FOXK1: variants seen among roughly 807,000 people sequenced by gnomAD.
The protein encoded by FOXK1 is forkhead box K1, also known as forkhead box protein K1.
FOXK1 carries 19 observed loss-of-function variants against 51.9 expected under a neutral mutation model. The observed-to-expected ratio is 0.37, with a 90% CI of 0.26 to 0.54. FOXK1 has a LOEUF of 0.54. Ranked by LOEUF, FOXK1 falls within the 20% of genes least tolerant of loss-of-function variation. The pLI is 0.87. For missense variants in FOXK1, 870 were observed against 1,032.7 expected (o/e 0.84, Z 2.16); for synonymous variants, 537 against 482.6 (o/e 1.11, Z -1.48).
intron 1 of FOXK1, among the ~76,000 whole-genome samples, chr7:4,727,678 T>G (rs1780398082): frequency 6.6e-6 from 1 of 152,236 alleles, no homozygotes; most frequent in Admixed American, 6.5e-5. Flanking sequence ...GAGGGCGGCC[T>G]GCTGTCCGTC....
At chr7:4,697,793 C>T in intron 1 of FOXK1, among the ~76,000 whole-genome samples, 4 of 124,408 alleles carry the variant, frequency 3.2e-5, no homozygotes, top group Non-Finnish European at 3.4e-5. Flanking sequence ...GTGTGTGTTT[C>T]TTTGGTATGA....
rs1780225637 is a variant in FOXK1 at position 4,715,765 on chromosome 7, C to T, written c.561-25073C>T. 6.6e-6 allele frequency among the ~76,000 whole-genome samples: 1 copy of T among 152,194 alleles called. No individual in the cohort carries two copies. Among genetic ancestry groups the T allele is most frequent in the Non-Finnish European group, 1.5e-5 (1 of 68,046 alleles). ...CTCCGGGCACCCTGAGGTTCCCTCA[C>T]AGCGAATCCACCGAAGAGCGCTCCC... On this transcript the variant is annotated intron_variant, in intron 1 of 8. Transcript: ENST00000328914. The surrounding 1 kb of genome is among the most constrained non-coding windows in gnomAD (Gnocchi z 4.5).
At position 4,682,540 on chromosome 7, in the gene FOXK1, T is replaced by A. The variant is rs914431746; in HGVS notation, c.232T>A (p.Ser78Thr). ...CTCCTCCGGGGGCTCCTCCGGGGTA[T>A]CCGGGGACTCCGCGGTCGCGGGCGC... ...AGSSGGSSGVSGDSAVAGAAP... is the reference protein window; with the variant it reads ...AGSSGGSSGVTGDSAVAGAAP... Residue 78 changes from serine (S) to threonine (T), a missense_variant, in exon 1 of 9, where the codon TCC becomes ACC. Coordinates refer to ENST00000328914, the MANE Select transcript of FOXK1 (RefSeq NM_001037165.2). The surrounding 1 kb of genome is among the most constrained non-coding windows in gnomAD (Gnocchi z 7.6). 4.4e-6 allele frequency: 5 copies of A among 1,140,564 alleles called. No individual in the cohort carries two copies. The highest frequency in any genetic ancestry group is 1.6e-5 in the African/African-American group (1 of 60,616). 70.7% of individuals were successfully genotyped at this position (1,140,564 alleles called of 1,614,324 possible). A position where few individuals can be genotyped will look rare whatever the true frequency, so the allele number is the denominator to read the frequency against.
rs759555489 is a variant in FOXK1, at chr7:4,748,376, G to C, written c.747-6083G>C. On this transcript the variant is annotated intron_variant, in intron 2 of 8. Transcript: ENST00000328914. The surrounding 1 kb of genome is among the most constrained non-coding windows in gnomAD (Gnocchi z 4.9). ...CAGTAAAGTTACATCATCATGTCTG[G>C]TTTACCTTGCATGAGCGTTTTCTGT... 9.9e-5 allele frequency among the ~76,000 whole-genome samples: 15 copies of C among 152,146 alleles called. No individual in the cohort carries two copies. Among genetic ancestry groups the C allele is most frequent in the Non-Finnish European group, 2.1e-4 (14 of 68,038 alleles).
rs1305833712 is a variant in FOXK1, at chr7:4,755,133, G to A, written c.904-104G>A. Reference sequence around the variant, plus strand: ...ACTGGGACGGGTGCCGGCAAGACGCGCACATTCTCGTGGGAAGGTTCCTCC... The same window carrying A: ...ACTGGGACGGGTGCCGGCAAGACGCACACATTCTCGTGGGAAGGTTCCTCC... On this transcript the variant is annotated intron_variant, in intron 3 of 8. Coordinates refer to ENST00000328914, the MANE Select transcript of FOXK1 (RefSeq NM_001037165.2). The surrounding 1 kb of genome is among the most constrained non-coding windows in gnomAD (Gnocchi z 6.6). 116 of 1,442,652 alleles carry A rather than the reference G, an allele frequency of 8.0e-5. 3 individuals carry two copies. The South Asian group carries it at 1.4e-3, about 17-fold the overall frequency. The allele number at this position is 1,442,652 out of a possible 1,614,324, so 89.4% of individuals were successfully genotyped here. A position where few individuals can be genotyped will look rare whatever the true frequency, so the allele number is the denominator to read the frequency against.
intron 1 of FOXK1, among the ~76,000 whole-genome samples, chr7:4,736,818 A>G (rs765783498): frequency 6.6e-6 from 1 of 152,190 alleles, no homozygotes; most frequent in African/African-American, 2.4e-5. Flanking sequence ...GGTTAGGGTG[A>G]GTGGTTCTAA....
rs1309510429 is a variant in FOXK1 at position 4,683,097 on chromosome 7, A to G, written c.560+229A>G. 7.1e-6 allele frequency among the ~76,000 whole-genome samples: 1 copy of G among 140,788 alleles called. No homozygotes were observed. Among genetic ancestry groups the G allele is most frequent in the African/African-American group, 2.7e-5 (1 of 36,914 alleles). 92.4% of individuals were successfully genotyped at this position (140,788 alleles called of 152,430 possible). On this transcript the variant is annotated intron_variant, in intron 1 of 8. Transcript: ENST00000328914. This position sits in a 1 kb window ranked among gnomAD's most constrained non-coding sequence, Gnocchi z 4.5. Reference sequence around the variant, plus strand: ...CGATCCTGGAGGCTCCAGCCTGAGGATCTCCTCCACTTTCCCCGGTCTGGA... The same window carrying G: ...CGATCCTGGAGGCTCCAGCCTGAGGGTCTCCTCCACTTTCCCCGGTCTGGA...
At chr7:4,687,500 C>G (rs189892793) in intron 1 of FOXK1, among the ~76,000 whole-genome samples, 2 of 152,014 alleles carry the variant, frequency 1.3e-5, no homozygotes, top group African/African-American at 4.8e-5. Context: ...ACCACGTTGG[C>G]CAGGCTGGTC....
Position 4,755,100 on chromosome 7 carries a change from T to G in FOXK1, c.904-137T>G. ...AATGCAAGCACATTAATGGGATAGT[T>G]GGAGGGCACTGGGACGGGTGCCGGC... On this transcript the variant is annotated intron_variant, in intron 3 of 8. Transcript: ENST00000328914. This position sits in a 1 kb window ranked among gnomAD's most constrained non-coding sequence, Gnocchi z 6.6. 9.4e-7 allele frequency: 1 copy of G among 1,063,728 alleles called. No homozygotes were observed. The highest frequency in any genetic ancestry group is 1.3e-6 in the Non-Finnish European group (1 of 752,358). The allele number at this position is 1,063,728 out of a possible 1,614,324, so 65.9% of individuals were successfully genotyped here.
Position 4,745,578 on chromosome 7 carries a change from G to T in FOXK1, c.746+4555G>T, listed in dbSNP as rs1426005307. 6.6e-6 allele frequency among the ~76,000 whole-genome samples: 1 copy of T among 152,184 alleles called. No homozygotes were observed. The highest frequency in any genetic ancestry group is 2.4e-5 in the African/African-American group (1 of 41,454). On this transcript the variant is annotated intron_variant, in intron 2 of 8. Coordinates refer to ENST00000328914, the MANE Select transcript of FOXK1 (RefSeq NM_001037165.2). This position sits in a 1 kb window ranked among gnomAD's most constrained non-coding sequence, Gnocchi z 4.3. ...ATAAATTCTGCTATCTTTAGCAGAAGTTTGACCTTTTCTTTCCTTTTTGCA... is the reference window on the plus strand; with the variant it reads ...ATAAATTCTGCTATCTTTAGCAGAATTTTGACCTTTTCTTTCCTTTTTGCA...
Position 4,756,846 on chromosome 7 carries a change from C to G in FOXK1, c.1051-148C>G, listed in dbSNP as rs929019582. ...CTGCCCTGTGCCTCGGTGCTGCTCC[C>G]GTGAGGCCCAGCCAGCACAGCACCA... On this transcript the variant is annotated intron_variant, in intron 4 of 8. Coordinates refer to ENST00000328914, the MANE Select transcript of FOXK1 (RefSeq NM_001037165.2). This position sits in a 1 kb window ranked among gnomAD's most constrained non-coding sequence, Gnocchi z 4.1. The G allele has an allele frequency of 1.3e-6, 1 of 753,660 alleles. No individual in the cohort carries two copies. Among genetic ancestry groups the G allele is most frequent in the South Asian group, 1.8e-5 (1 of 54,938 alleles). 46.7% of individuals were successfully genotyped at this position (753,660 alleles called of 1,614,324 possible). A position where few individuals can be genotyped will look rare whatever the true frequency, so the allele number is the denominator to read the frequency against.
Position 4,734,982 on chromosome 7 carries a change from G to C in FOXK1, c.561-5856G>C, listed in dbSNP as rs989583140. Among the ~76,000 whole-genome samples the C allele has an allele frequency of 1.3e-5, 2 of 152,184 alleles. No individual in the cohort carries two copies. Among genetic ancestry groups the C allele is most frequent in the Admixed American group, 1.3e-4 (2 of 15,278 alleles). Reference sequence around the variant, plus strand: ...CTGATTATTTCTCTGAGTCTGAAATGATGACAATTGTATTTATATTTATGT... The same window carrying C: ...CTGATTATTTCTCTGAGTCTGAAATCATGACAATTGTATTTATATTTATGT... On this transcript the variant is annotated intron_variant, in intron 1 of 8. Transcript: ENST00000328914. This position sits in a 1 kb window ranked among gnomAD's most constrained non-coding sequence, Gnocchi z 5.2.
intron 1 of FOXK1, among the ~76,000 whole-genome samples, chr7:4,690,956 G>A (rs1779884180): frequency 6.6e-6 from 1 of 152,162 alleles, no homozygotes; most frequent in Non-Finnish European, 1.5e-5. Context: ...AATGCTTTTA[G>A]TTTGATTTCC....
At position 4,770,864 on chromosome 7, in the gene FOXK1, GGTGTGTGTGTGTGTGTGTGTGTGT is replaced by G. The variant is rs56204828; in HGVS notation, c.*8415_*8438del. ...AATTTGGGAGGGGCGGGTGTTGTTC[GGTGTGTGTGTGTGTGTGTGTGTGT>G]GTGTGTGTGTGTGTATTTTTTTTTT... On this transcript the variant is annotated 3_prime_UTR_variant, in exon 9 of 9. Coordinates refer to ENST00000328914, the MANE Select transcript of FOXK1 (RefSeq NM_001037165.2). 3 of 140,368 alleles carry G rather than the reference GGTGTGTGTGTGTGTGTGTGTGTGT, an allele frequency of 2.1e-5. No homozygotes were observed. In the East Asian group the frequency reaches 6.2e-4, roughly 29 times the overall value. The allele number at this position is 140,368 out of a possible 1,614,324, so 8.7% of individuals were successfully genotyped here. A position where few individuals can be genotyped will look rare whatever the true frequency, so the allele number is the denominator to read the frequency against.
chr7:4,749,049 T>C lies in FOXK1; in HGVS notation c.747-5410T>C, dbSNP rs1780742345. ...GCCTCTGAGCTGAGTCTCTCATGCC[T>C]CTCCTTTCCTTTCTCTCTCTACTTT... On this transcript the variant is annotated intron_variant, in intron 2 of 8. Coordinates refer to ENST00000328914, the MANE Select transcript of FOXK1 (RefSeq NM_001037165.2). This position sits in a 1 kb window ranked among gnomAD's most constrained non-coding sequence, Gnocchi z 6.0. Among the ~76,000 whole-genome samples, 1 of 152,148 alleles carries C rather than the reference T, an allele frequency of 6.6e-6. No individual in the cohort carries two copies. The highest frequency in any genetic ancestry group is 6.5e-5 in the Admixed American group (1 of 15,274).
chr7:4,759,821 C>G, intron 7 of FOXK1: 1 of 600,580 alleles, frequency 1.7e-6, no homozygotes, highest in Non-Finnish European at 2.9e-6. Context: ...ACTTGAGGTC[C>G]GGAGTTCGAG....
At chr7:4,714,921 G>A (rs1780215883) in intron 1 of FOXK1, among the ~76,000 whole-genome samples, 1 of 152,154 alleles carries the variant, frequency 6.6e-6, no homozygotes, top group Non-Finnish European at 1.5e-5. Context: ...GTGCTTTTGG[G>A]AAGTCTGCGT....
chr7:4,766,338 A>T lies in FOXK1; in HGVS notation c.*3874A>T, dbSNP rs140331548. Reference sequence around the variant, plus strand: ...GCTGGTGTGGGGTCCCCATGTAGAGACCCTCAGGTCCCTATCCAGAGACCC... The same window carrying T: ...GCTGGTGTGGGGTCCCCATGTAGAGTCCCTCAGGTCCCTATCCAGAGACCC... On this transcript the variant is annotated 3_prime_UTR_variant, in exon 9 of 9. Coordinates refer to ENST00000328914, the MANE Select transcript of FOXK1 (RefSeq NM_001037165.2). The surrounding 1 kb of genome is among the most constrained non-coding windows in gnomAD (Gnocchi z 5.5). The T allele has an allele frequency of 3.9e-5, 6 of 152,086 alleles. No individual in the cohort carries two copies. The highest frequency in any genetic ancestry group is 1.2e-4 in the African/African-American group (5 of 41,464). 9.4% of individuals were successfully genotyped at this position (152,086 alleles called of 1,614,324 possible).
Position 4,767,283 on chromosome 7 carries a change from A to T in FOXK1, c.*4819A>T, listed in dbSNP as rs1781025547. 1 of 152,250 alleles carries T rather than the reference A, an allele frequency of 6.6e-6. No individual in the cohort carries two copies. Among genetic ancestry groups the T allele is most frequent in the Admixed American group, 6.5e-5 (1 of 15,284 alleles). The allele number at this position is 152,250 out of a possible 1,614,324, so 9.4% of individuals were successfully genotyped here. ...AATCGCGCGCTCCTCACGCTGGAGT[A>T]AGTTACGAAACATGATCGTCAGGCT... On this transcript the variant is annotated 3_prime_UTR_variant, in exon 9 of 9. Coordinates refer to ENST00000328914, the MANE Select transcript of FOXK1 (RefSeq NM_001037165.2). This position sits in a 1 kb window ranked among gnomAD's most constrained non-coding sequence, Gnocchi z 6.6.
Sources: gnomAD v4.1 joint callset for allele counts (sites outside exome capture counted in the v4.1 genomes callset) on GRCh38, gnomAD v4.1.1 for gene constraint, Gnocchi (gnomAD v3.1) non-coding constraint, MANE v1.5 for transcripts, NCBI Gene and HGNC (gene_info 2026-07-23, HGNC 2026-07-21) for gene names.